SLC9A3: variants seen among roughly 807,000 people sequenced by gnomAD.
SLC9A3 encodes solute carrier family 9 member A3, also known as sodium/hydrogen exchanger 3.
SLC9A3 carries 37 observed loss-of-function variants against 86.8 expected under a neutral mutation model. The ratio of observed to expected loss-of-function variants is 0.43; its 90% CI spans 0.33 to 0.56. The LOEUF (loss-of-function observed/expected upper bound fraction) is 0.56, where lower values mean the gene tolerates loss of function less well. SLC9A3 is among the 20% of genes least tolerant of loss of function. The pLI is 0.06. For synonymous variants in SLC9A3, 581 were observed against 528.3 expected (o/e 1.10, Z -1.37); for missense variants, 1,011 against 1,171.9 (o/e 0.86, Z 2.00).
chr5:481,461 G>A, intron 9 of SLC9A3, 104 bp downstream of exon 9: 2 of 1,001,428 alleles, frequency 2.0e-6, no homozygotes, highest in Non-Finnish European at 3.2e-6. Context: ...GACCAAGCCT[G>A]GACTCAAACA....
At chr5:490,631 C>T (rs1013110529) in intron 2 of SLC9A3, among the ~76,000 whole-genome samples, 4 of 152,026 alleles carry the variant, frequency 2.6e-5, no homozygotes, top group Non-Finnish European at 4.4e-5. Flanking sequence ...GCTGGGATCT[C>T]ATGGGCGAGG....
chr5:518,846 G>A (rs1481324522), intron 1 of SLC9A3, among the ~76,000 whole-genome samples: 1 of 152,130 alleles, frequency 6.6e-6, no homozygotes, highest in Non-Finnish European at 1.5e-5. Flanking sequence ...GTGGGCTGGG[G>A]GGGCTGGCGG....
rs893407773 is a variant in SLC9A3 at position 471,823 on chromosome 5, CCT to C, written c.*1554_*1555del. 2.2e-6 allele frequency: 1 copy of C among 456,600 alleles called. No individual in the cohort carries two copies. Among genetic ancestry groups the C allele is most frequent in the Non-Finnish European group, 4.4e-6 (1 of 226,948 alleles). 28.3% of individuals were successfully genotyped at this position (456,600 alleles called of 1,614,324 possible). A position where few individuals can be genotyped will look rare whatever the true frequency, so the allele number is the denominator to read the frequency against. The stretch of plus-strand genomic sequence containing the variant: ...CAGGCTTTTGTGTGGCTGACGCTTC[CCT>C]TTTTCACAACAGTAAAAAGCTATCA... On this transcript the variant is annotated 3_prime_UTR_variant, in exon 17 of 17. Transcript: ENST00000264938.
At chr5:519,448 G>C (rs1178435498) in intron 1 of SLC9A3, among the ~76,000 whole-genome samples, 1 of 152,204 alleles carries the variant, frequency 6.6e-6, no homozygotes, top group Non-Finnish European at 1.5e-5. Flanking sequence ...TTCACCCCAG[G>C]AGGTGAAGGT....
chr5:476,477 G>T, intron 12 of SLC9A3, 66 bp downstream of exon 12: 1 of 1,603,228 alleles, frequency 6.2e-7, no homozygotes. Context: ...GGTCCCAGGA[G>T]GGGACGAGGA....
intron 10 of SLC9A3, chr5:479,631 C>G (rs890985): frequency 0.76 from 433,612 of 568,304 alleles, 168,226 homozygotes; most frequent in African/African-American, 0.8. Flanking sequence ...ACCACAGTCA[C>G]CAGGACTCTG....
At chr5:482,811 C>G in intron 6 of SLC9A3, 61 bp from the exon 7 acceptor site, 2 of 1,370,596 alleles carry the variant, frequency 1.5e-6, no homozygotes, top group Non-Finnish European at 2.0e-6. Flanking sequence ...GGGACCCCAG[C>G]CCCTCCGGGA....
intron 1 of SLC9A3, among the ~76,000 whole-genome samples, chr5:493,969 GGCCT>G (rs1422433273): frequency 6.6e-6 from 1 of 152,186 alleles, no homozygotes; most frequent in Non-Finnish European, 1.5e-5. Flanking sequence ...GGGAGGGCCT[GGCCT>G]GGAATGAGGG....
chr5:513,143 T>G (rs190591944), intron 1 of SLC9A3, among the ~76,000 whole-genome samples: 2 of 152,144 alleles, frequency 1.3e-5, no homozygotes, highest in Admixed American at 1.3e-4. Context: ...CTGCGTGGTG[T>G]GGGCTGGGAC....
intron 1 of SLC9A3, among the ~76,000 whole-genome samples, chr5:514,000 C>CAGG (rs1733652306): frequency 6.6e-6 from 1 of 152,202 alleles, no homozygotes; most frequent in Non-Finnish European, 1.5e-5. Flanking sequence ...TGAAGAGATT[C>CAGG]CCCCACTGTG....
intron 11 of SLC9A3, among the ~76,000 whole-genome samples, chr5:476,886 C>T (rs1738778541): frequency 6.6e-6 from 1 of 152,242 alleles, no homozygotes; most frequent in South Asian, 2.1e-4. Flanking sequence ...CGAGGCCTTC[C>T]TGGCCTCCTG....
Position 473,667 on chromosome 5 carries a change from A to G in SLC9A3, c.2502-285T>C, listed in dbSNP as rs1243431038. On this transcript the variant is annotated intron_variant, in intron 16 of 16. Coordinates refer to ENST00000264938, the MANE Select transcript of SLC9A3 (RefSeq NM_004174.4). ...AGGAAGGTCCCGCCCCAGGCCCTGCAGCGCGGGAGGTCAAGGTCCCCAAGG... is the reference window on the plus strand; with the variant it reads ...AGGAAGGTCCCGCCCCAGGCCCTGCGGCGCGGGAGGTCAAGGTCCCCAAGG... Among the ~76,000 whole-genome samples the G allele has an allele frequency of 3.3e-5, 5 of 152,270 alleles. No individual in the cohort carries two copies. In the East Asian group the frequency reaches 9.7e-4, roughly 29 times the overall value.
chr5:482,955 A>G lies in SLC9A3; in HGVS notation c.1154-205T>C, dbSNP rs1386937768. On this transcript the variant is annotated intron_variant, in intron 6 of 16. Coordinates refer to ENST00000264938, the MANE Select transcript of SLC9A3 (RefSeq NM_004174.4). Reference sequence around the variant, plus strand: ...GGCGTCTCCCCCCCACGCTCCGTGCATCACACACACGGGTGCTGGGGGATG... The same window carrying G: ...GGCGTCTCCCCCCCACGCTCCGTGCGTCACACACACGGGTGCTGGGGGATG... Among the ~76,000 whole-genome samples the G allele has an allele frequency of 4.0e-5, 6 of 151,320 alleles. No homozygotes were observed. In the East Asian group the frequency reaches 7.8e-4, roughly 20 times the overall value.
chr5:475,840 C>T (rs1489530815), intron 14 of SLC9A3, among the ~76,000 whole-genome samples, 169 bp from the exon 15 acceptor site: 3 of 152,040 alleles, frequency 2.0e-5, no homozygotes, highest in African/African-American at 2.4e-5. Flanking sequence ...AGGGCAGTGT[C>T]CCTGGAACCC....
intron 1 of SLC9A3, among the ~76,000 whole-genome samples, chr5:518,813 G>A (rs1347592750): frequency 6.6e-6 from 1 of 152,162 alleles, no homozygotes; most frequent in Non-Finnish European, 1.5e-5. Context: ...CCCAGAGGCG[G>A]GGAGCTCCTG....
chr5:476,622 C>A lies in SLC9A3; in HGVS notation c.1811G>T (p.Arg604Leu). ...VCLDMQSLEQRRRSIRDAEDM... is the reference protein window; with the variant it reads ...VCLDMQSLEQLRRSIRDAEDM... The stretch of plus-strand genomic sequence containing the variant: ...CTCCGCGTCCCGGATGCTCCGCCGT[C>A]GCTGCTCCAGAGACTGCATGTCCAG... The change falls in exon 12 of 17, where the codon CGA becomes CTA. Residue 604 changes from arginine to leucine, a missense_variant. Transcript: ENST00000264938. The A allele has an allele frequency of 6.2e-7, 1 of 1,609,404 alleles. No homozygotes were observed. The highest frequency in any genetic ancestry group is 8.5e-7 in the Non-Finnish European group (1 of 1,179,888).
intron 1 of SLC9A3, among the ~76,000 whole-genome samples, chr5:500,589 T>C (rs1579805894): frequency 2.3e-5 from 2 of 86,870 alleles, no homozygotes; most frequent in Admixed American, 2.5e-4. Flanking sequence ...GGTGTGGACA[T>C]GGGGTCAGTG....
At chr5:511,376 G>C (rs1385196774) in intron 1 of SLC9A3, among the ~76,000 whole-genome samples, 1 of 152,200 alleles carries the variant, frequency 6.6e-6, no homozygotes, top group Admixed American at 6.5e-5. Flanking sequence ...CTCTGCAAAA[G>C]AAGACATTTG....
intron 1 of SLC9A3, 134 bp downstream of exon 1, chr5:523,978 C>A (rs1733959741): frequency 6.2e-6 from 3 of 486,130 alleles, no homozygotes; most frequent in Non-Finnish European, 1.0e-5. Flanking sequence ...CTCTGCTGGA[C>A]CCGAGAGCCG....
Sources: allele counts gnomAD v4.1 joint callset (sites outside exome capture counted in the v4.1 genomes callset), GRCh38; gene constraint gnomAD v4.1.1; transcripts MANE v1.5; gene names NCBI Gene and HGNC (gene_info 2026-07-23, HGNC 2026-07-21).